TMTC1: variants seen among roughly 807,000 people sequenced by gnomAD.
TMTC1 encodes transmembrane O-mannosyltransferase targeting cadherins 1, also known as protein O-mannosyl-transferase TMTC1.
Under a neutral mutation model 104.8 loss-of-function variants are expected in TMTC1, and 73 were observed. The ratio of observed to expected loss-of-function variants is 0.70; its 90% CI spans 0.58 to 0.85. TMTC1 has a LOEUF of 0.85. Among genes scored for constraint, TMTC1 ranks in the 40% least tolerant of loss-of-function variants. TMTC1 has a pLI of 0.00. For synonymous variants in TMTC1, 434 were observed against 428.7 expected, an observed-to-expected ratio of 1.01 and a Z score of -0.15; for missense variants, 1,035 against 1,096.1, an observed-to-expected ratio of 0.94 and a Z score of 0.79.
chr12:29,711,923 C>T (rs995620333), intron 5 of TMTC1, among the ~76,000 whole-genome samples: 4 of 137,608 alleles, frequency 2.9e-5, no homozygotes, highest in Non-Finnish European at 3.0e-5. Flanking sequence ...AGGAGAATGG[C>T]GTGAACCCAG....
chr12:29,755,719 G>C lies in TMTC1; in HGVS notation c.721C>G (p.Gln241Glu). The change falls in exon 4 of 18, where the codon CAA becomes GAA. Residue 241 changes from glutamine (Q) to glutamate (E), a missense_variant. Physicochemically the swap from Gln to Glu is conservative, Grantham distance 29. Coordinates refer to ENST00000539277, the MANE Select transcript of TMTC1 (RefSeq NM_001193451.2). ...VYDLFSLSNK[Q>E]DKSSNGALCP... The stretch of plus-strand genomic sequence containing the variant: ...TGTAAAATGACTTACGACTTGTCTT[G>C]CTTGTTGGAAAGGGAAAAGAGGTCA... 1.2e-6 allele frequency: 2 copies of C among 1,613,098 alleles called. No homozygotes were observed. Among genetic ancestry groups the C allele is most frequent in the Non-Finnish European group, 1.7e-6 (2 of 1,179,482 alleles).
rs1428004485 is a variant in TMTC1 at position 29,644,017 on chromosome 12, ATTTATATATAAATAT to A, written c.939-10696_939-10682del. Among the ~76,000 whole-genome samples the A allele has an allele frequency of 3.4e-5, 4 of 116,490 alleles. No individual in the cohort carries two copies. The East Asian group carries it at 9.1e-4, about 26-fold the overall frequency. The allele number at this position is 116,490 out of a possible 152,430, so 76.4% of individuals were successfully genotyped here. A position where few individuals can be genotyped will look rare whatever the true frequency, so the allele number is the denominator to read the frequency against. Reference sequence around the variant, plus strand: ...ATTTATATATAAATATAAATATATAATTTATATATAAATATAAATATATAATTTATATATAAATAT... The same window carrying A: ...ATTTATATATAAATATAAATATATAAAAATATATAATTTATATATAAATAT... On this transcript the variant is annotated intron_variant, in intron 5 of 17. Coordinates refer to ENST00000539277, the MANE Select transcript of TMTC1 (RefSeq NM_001193451.2).
chr12:29,685,362 C>G (rs1267263501), intron 5 of TMTC1, among the ~76,000 whole-genome samples: 9 of 143,368 alleles, frequency 6.3e-5, no homozygotes, highest in Admixed American at 5.7e-4. Context: ...AAATTATTTC[C>G]AAAATAAAAA....
At chr12:29,709,153 A>G (rs942264889) in intron 5 of TMTC1, among the ~76,000 whole-genome samples, 4 of 152,220 alleles carry the variant, frequency 2.6e-5, no homozygotes, top group African/African-American at 7.2e-5. Context: ...AGCAAGTATA[A>G]TAAGAGGCAA....
At chr12:29,723,344 G>A (rs1248490883) in intron 5 of TMTC1, among the ~76,000 whole-genome samples, 1 of 152,140 alleles carries the variant, frequency 6.6e-6, no homozygotes, top group Non-Finnish European at 1.5e-5. Flanking sequence ...CTACAAAGCA[G>A]TTATTATGAC....
At chr12:29,584,557 G>C (rs1336441521) in intron 7 of TMTC1, among the ~76,000 whole-genome samples, 2 of 151,768 alleles carry the variant, frequency 1.3e-5, no homozygotes, top group African/African-American at 2.4e-5. Flanking sequence ...TCGTCATTTA[G>C]CATTAGGTAT....
intron 5 of TMTC1, among the ~76,000 whole-genome samples, chr12:29,736,278 A>G (rs980999895): frequency 1.3e-5 from 2 of 151,958 alleles, no homozygotes; most frequent in African/African-American, 2.4e-5. Flanking sequence ...AAAAAAAAAA[A>G]AAGGACCGGA....
rs1385871624 is a variant in TMTC1, at chr12:29,768,065, A to G, written c.313T>C (p.Phe105Leu). The change falls in exon 2 of 18, where the codon TTT becomes CTT. Residue 105 changes from phenylalanine to leucine, a missense_variant. Phe to Leu is a conservative substitution (Grantham distance 22, BLOSUM62 0). Transcript: ENST00000539277. ...TAGAATGGGTTCATACCAGTCAAAAATATGTTTAGCCTGTAAAACAAAAGA... is the reference window on the plus strand; with the variant it reads ...TAGAATGGGTTCATACCAGTCAAAAGTATGTTTAGCCTGTAAAACAAAAGA... ...LCVLTFKLNI[F>L]LTGMNPFYFH... 6.2e-7 allele frequency: 1 copy of G among 1,600,678 alleles called. No individual in the cohort carries two copies. Among genetic ancestry groups the G allele is most frequent in the South Asian group, 1.1e-5 (1 of 88,624 alleles).
At chr12:29,549,545 TA>T (rs1418600086) in intron 10 of TMTC1, among the ~76,000 whole-genome samples, 4 of 150,848 alleles carry the variant, frequency 2.7e-5, no homozygotes, top group South Asian at 2.1e-4. Flanking sequence ...TGCCTCAATT[TA>T]AAAAAAAACA....
At chr12:29,597,871 A>G (rs1946454730) in intron 7 of TMTC1, among the ~76,000 whole-genome samples, 1 of 152,196 alleles carries the variant, frequency 6.6e-6, no homozygotes, top group African/African-American at 2.4e-5. Flanking sequence ...TGCTCTTATC[A>G]TCATGACAAG....
At chr12:29,712,113 G>T (rs148879649) in intron 5 of TMTC1, among the ~76,000 whole-genome samples, 3 of 147,316 alleles carry the variant, frequency 2.0e-5, no homozygotes, top group African/African-American at 7.5e-5. Flanking sequence ...CCAATATAAC[G>T]CAAACTTCCC....
chr12:29,645,971 A>T (rs1195641362), intron 5 of TMTC1, among the ~76,000 whole-genome samples: 1 of 152,206 alleles, frequency 6.6e-6, no homozygotes, highest in East Asian at 1.9e-4. Flanking sequence ...AGAGGCTGTA[A>T]TTCATTCAAT....
intron 9 of TMTC1, among the ~76,000 whole-genome samples, chr12:29,563,613 G>A (rs765999803): frequency 1.3e-5 from 2 of 152,092 alleles, no homozygotes; most frequent in Non-Finnish European, 2.9e-5. Flanking sequence ...AAGAAAAGTT[G>A]TTCTGCAAAA....
chr12:29,524,731 G>C (rs1447939871), intron 11 of TMTC1, among the ~76,000 whole-genome samples: 1 of 152,188 alleles, frequency 6.6e-6, no homozygotes, highest in East Asian at 1.9e-4. Flanking sequence ...GGTTCTGACT[G>C]ATTATGGAAG....
intron 2 of TMTC1, among the ~76,000 whole-genome samples, chr12:29,764,351 G>A (rs1218106917): frequency 6.6e-6 from 1 of 152,242 alleles, no homozygotes; most frequent in South Asian, 2.1e-4. Context: ...TAAGGCTATT[G>A]ATATTTATTT....
chr12:29,707,282 A>G (rs1189093809), intron 5 of TMTC1, among the ~76,000 whole-genome samples: 1 of 152,142 alleles, frequency 6.6e-6, no homozygotes, highest in Non-Finnish European at 1.5e-5. Context: ...CATAAATGTG[A>G]TCTAGCTAAC....
At chr12:29,583,332 C>A in intron 8 of TMTC1, 75 bp downstream of exon 8, 1 of 1,450,766 alleles carries the variant, frequency 6.9e-7, no homozygotes, top group Non-Finnish European at 9.4e-7. Context: ...GCCCATGTTA[C>A]CTCATTTGTT....
At chr12:29,720,157 T>C (rs1283357163) in intron 5 of TMTC1, among the ~76,000 whole-genome samples, 2 of 152,210 alleles carry the variant, frequency 1.3e-5, no homozygotes, top group Non-Finnish European at 2.9e-5. Flanking sequence ...ACTCCATTCA[T>C]GTGTCGTGCT....
chr12:29,653,656 A>G (rs1939625754), intron 5 of TMTC1, among the ~76,000 whole-genome samples: 3 of 152,212 alleles, frequency 2.0e-5, no homozygotes, highest in Non-Finnish European at 4.4e-5. Flanking sequence ...TGGAAAAGTT[A>G]TTGGTCAGTC....
Sources: allele counts gnomAD v4.1 joint callset (sites outside exome capture counted in the v4.1 genomes callset), GRCh38; gene constraint gnomAD v4.1.1; transcripts MANE v1.5; gene names NCBI Gene and HGNC (gene_info 2026-07-23, HGNC 2026-07-21).